Variants in ASTN2 observed in about 807,000 individuals in gnomAD.
The protein encoded by ASTN2 is astrotactin-2.
In ASTN2, 54 loss-of-function variants were observed where a neutral mutation model predicts 139.8. That is an observed-to-expected ratio of 0.39 (90% CI 0.31 to 0.48). The LOEUF (loss-of-function observed/expected upper bound fraction) is 0.48, where lower values mean the gene tolerates loss of function less well. ASTN2 is among the 20% of genes least tolerant of loss of function. ASTN2 has a pLI of 0.95. For missense variants in ASTN2, 1,565 were observed against 1,725.1 expected, an observed-to-expected ratio of 0.91 and a Z score of 1.64; for synonymous variants, 756 against 719.5, an observed-to-expected ratio of 1.05 and a Z score of -0.81.
chr9:117,086,503 G>A (rs1196114259), intron 5 of ASTN2, among the ~76,000 whole-genome samples: 1 of 152,288 alleles, frequency 6.6e-6, no homozygotes, highest in East Asian at 1.9e-4. Context: ...GAACACAGGA[G>A]GTGGAGGTTG....
chr9:117,068,205 T>A (rs1828008288), intron 5 of ASTN2, among the ~76,000 whole-genome samples: 1 of 83,952 alleles, frequency 1.2e-5, no homozygotes, highest in Non-Finnish European at 2.4e-5. Context: ...TTATTGAGAG[T>A]TTTTCGCATG....
Position 116,884,803 on chromosome 9 carries a change from GCC to G in ASTN2, c.1890-21072_1890-21071del, listed in dbSNP as rs759933298. ...TGTGCATGTCAATCTCCAAATATCC[GCC>G]CCCCCCCCACCCACTTTTTTTTTTT... is the stretch of plus-strand genomic sequence containing the variant. On this transcript the variant is annotated intron_variant, in intron 10 of 22. Coordinates refer to ENST00000313400, the MANE Select transcript of ASTN2 (RefSeq NM_001365068.1). 3.6e-4 allele frequency among the ~76,000 whole-genome samples: 25 copies of G among 69,640 alleles called. 1 individual carries two copies. Among genetic ancestry groups the G allele is most frequent in the African/African-American group, 1.5e-3 (23 of 14,854 alleles). The allele number at this position is 69,640 out of a possible 152,430, so 45.7% of individuals were successfully genotyped here. A position where few individuals can be genotyped will look rare whatever the true frequency, so the allele number is the denominator to read the frequency against.
At chr9:117,336,881 G>C (rs1698701514) in intron 1 of ASTN2, among the ~76,000 whole-genome samples, 1 of 152,120 alleles carries the variant, frequency 6.6e-6, no homozygotes, top group Admixed American at 6.6e-5. Flanking sequence ...GAAAAGTTCT[G>C]ACACAAAGGG....
chr9:117,237,488 T>C (rs962777276), intron 2 of ASTN2, among the ~76,000 whole-genome samples: 1 of 152,078 alleles, frequency 6.6e-6, no homozygotes, highest in Non-Finnish European at 1.5e-5. Context: ...GGAGGCTGAG[T>C]TCTTCTTTTG....
chr9:117,264,796 G>A (rs1441653674), intron 2 of ASTN2, among the ~76,000 whole-genome samples: 1 of 152,154 alleles, frequency 6.6e-6, no homozygotes, highest in Non-Finnish European at 1.5e-5. Flanking sequence ...TTTTGAAAAT[G>A]GGACCTGGTA....
intron 2 of ASTN2, among the ~76,000 whole-genome samples, chr9:117,244,792 G>GA (rs1335930577): frequency 1.4e-5 from 2 of 147,932 alleles, no homozygotes; most frequent in African/African-American, 5.0e-5. Flanking sequence ...GGGATAGAGG[G>GA]AAGGAGAGAG....
chr9:116,738,641 A>AT (rs1829010581), intron 13 of ASTN2, among the ~76,000 whole-genome samples: 1 of 152,240 alleles, frequency 6.6e-6, no homozygotes. Flanking sequence ...TGTGTATGCC[A>AT]TTTTAACCTC....
intron 1 of ASTN2, among the ~76,000 whole-genome samples, chr9:117,311,781 C>A (rs1827983483): frequency 6.6e-6 from 1 of 152,090 alleles, no homozygotes; most frequent in Admixed American, 6.5e-5. Flanking sequence ...CTGTGCCCTG[C>A]CTAGAATAGT....
intron 21 of ASTN2, among the ~76,000 whole-genome samples, chr9:116,441,472 C>T (rs966157517): frequency 1.3e-4 from 20 of 151,994 alleles, no homozygotes; most frequent in South Asian, 2.1e-4. Context: ...CTATGCTCCT[C>T]CCATTATGTT....
At chr9:116,736,068 T>A (rs1828918319) in intron 13 of ASTN2, among the ~76,000 whole-genome samples, 1 of 152,194 alleles carries the variant, frequency 6.6e-6, no homozygotes, top group Non-Finnish European at 1.5e-5. Context: ...AGAAGTTATG[T>A]AACTACCTAA....
At chr9:116,839,649 C>CA (rs1832131257) in intron 11 of ASTN2, among the ~76,000 whole-genome samples, 1 of 151,648 alleles carries the variant, frequency 6.6e-6, no homozygotes, top group Admixed American at 6.6e-5. Context: ...CCCGTGTGTG[C>CA]CACACCGGTC....
At chr9:117,003,005 C>T (rs901078501) in intron 7 of ASTN2, among the ~76,000 whole-genome samples, 1 of 151,558 alleles carries the variant, frequency 6.6e-6, no homozygotes, top group Non-Finnish European at 1.5e-5. Flanking sequence ...AGCCCTTGCT[C>T]TCCCATTAAA....
intron 17 of ASTN2, among the ~76,000 whole-genome samples, chr9:116,647,911 A>G (rs1857683737): frequency 6.6e-6 from 1 of 152,060 alleles, no homozygotes; most frequent in Non-Finnish European, 1.5e-5. Context: ...CTCCTCCTTG[A>G]GCGCTTGATG....
At chr9:117,105,803 T>C (rs934323081) in intron 4 of ASTN2, among the ~76,000 whole-genome samples, 8 of 152,176 alleles carry the variant, frequency 5.3e-5, no homozygotes, top group Non-Finnish European at 7.3e-5. Context: ...CTGAAAAATA[T>C]ATTATCATCT....
intron 20 of ASTN2, among the ~76,000 whole-genome samples, chr9:116,446,272 T>TAGATAG (rs1564282640): frequency 2.5e-5 from 3 of 119,036 alleles, no homozygotes; most frequent in Non-Finnish European, 5.1e-5. Flanking sequence ...GAGAGAGAGA[T>TAGATAG]AGAGAGAGAG....
rs1038726993 is a variant in ASTN2, at chr9:116,623,431, A to G, written c.3073-2988T>C. Among the ~76,000 whole-genome samples the G allele has an allele frequency of 2.3e-4, 35 of 152,160 alleles. 1 individual carries two copies. The highest frequency in any genetic ancestry group is 8.4e-4 in the African/African-American group (35 of 41,424). ...AAACACACCCTGATAAAAGGCCAGC[A>G]TCAAACAGGGAGTCCTCATAAGGCT... On this transcript the variant is annotated intron_variant, in intron 17 of 22. Transcript: ENST00000313400.
intron 3 of ASTN2, among the ~76,000 whole-genome samples, chr9:117,154,779 A>C (rs1376537224): frequency 6.6e-6 from 1 of 152,058 alleles, no homozygotes; most frequent in African/African-American, 2.4e-5. Flanking sequence ...CCTTGAGTAC[A>C]ATGACATTGA....
chr9:116,487,692 A>AT (rs776663385), intron 19 of ASTN2, among the ~76,000 whole-genome samples, 192 bp from the exon 20 acceptor site: 1 of 152,162 alleles, frequency 6.6e-6, no homozygotes, highest in Non-Finnish European at 1.5e-5. Flanking sequence ...TTTATGCGCA[A>AT]TTTTTTCATC....
At chr9:116,584,550 C>A (rs1471845179) in intron 19 of ASTN2, 2 of 152,088 alleles carry the variant, frequency 1.3e-5, no homozygotes, top group Non-Finnish European at 2.9e-5. Flanking sequence ...TACCTCCTTC[C>A]ATGTAATAAA....
Sources: allele counts gnomAD v4.1 joint callset (sites outside exome capture counted in the v4.1 genomes callset), GRCh38; gene constraint gnomAD v4.1.1; transcripts MANE v1.5; gene names NCBI Gene and HGNC (gene_info 2026-07-23, HGNC 2026-07-21).